ZNF644: variants seen among roughly 807,000 people sequenced by gnomAD.
ZNF644 encodes the protein zinc finger motif enhancer binding protein 2.
Under a neutral mutation model 108.0 loss-of-function variants are expected in ZNF644, and 20 were observed. The ratio of observed to expected loss-of-function variants is 0.19; its 90% confidence interval spans 0.13 to 0.27. The LOEUF (loss-of-function observed/expected upper bound fraction) is 0.27, where lower values mean the gene tolerates loss of function less well. ZNF644 is among the 10% of genes least tolerant of loss of function. ZNF644 has a pLI of 1.00. For synonymous variants in ZNF644, 542 were observed against 539.1 expected (o/e 1.01, Z -0.08); for missense variants, 1,338 against 1,548.9 (o/e 0.86, Z 2.29).
chr1:91,006,984 T>G (rs531437240), intron 1 of ZNF644, among the ~76,000 whole-genome samples: 11 of 152,338 alleles, frequency 7.2e-5, no homozygotes, highest in African/African-American at 2.4e-4. Context: ...GGATTTTGAA[T>G]GTATTATTCC....
At chr1:90,917,536 C>T (rs1570318443) in intron 5 of ZNF644, among the ~76,000 whole-genome samples, 1 of 152,120 alleles carries the variant, frequency 6.6e-6, no homozygotes, top group Admixed American at 6.5e-5. Flanking sequence ...CTTGCTCTGT[C>T]GCTCAGGCTG....
chr1:90,962,348 C>T (rs182127652), intron 2 of ZNF644, among the ~76,000 whole-genome samples: 1 of 151,926 alleles, frequency 6.6e-6, no homozygotes, highest in East Asian at 1.9e-4. Context: ...CATAAACAGA[C>T]CCATATGTAT....
At chr1:90,925,206 G>T (rs377611230) in intron 4 of ZNF644, among the ~76,000 whole-genome samples, 1 of 152,152 alleles carries the variant, frequency 6.6e-6, no homozygotes, top group Non-Finnish European at 1.5e-5. Context: ...CCCCCCACTG[G>T]GGGGAGGGCA....
chr1:90,962,327 AAAACAGAGTCCAT>A (rs1011939197), intron 2 of ZNF644, among the ~76,000 whole-genome samples: 4 of 152,022 alleles, frequency 2.6e-5, no homozygotes, highest in African/African-American at 4.8e-5. Flanking sequence ...ATGGGGGAAA[AAAACAGAGTCCAT>A]AAACAGACCC....
At chr1:90,972,770 T>G (rs991820453) in intron 2 of ZNF644, 1 of 152,198 alleles carries the variant, frequency 6.6e-6, no homozygotes, top group South Asian at 2.1e-4. Flanking sequence ...CAATACAGTA[T>G]TATGCAGACT....
chr1:90,940,634 T>A lies in ZNF644; in HGVS notation c.720A>T (p.Thr240=). Residue 240 remains threonine (T), a synonymous_variant, in exon 3 of 6, where the codon ACA becomes ACT. Transcript: ENST00000337393. ...DLLVKDDCVN[T]VTGISSGTDG... ...CTGTACCTGAGGAAATTCCCGTTAC[T>A]GTATTGACACAATCATCTTTCACCA... The A allele has an allele frequency of 6.2e-7, 1 of 1,614,098 alleles. No homozygotes were observed. The highest frequency in any genetic ancestry group is 8.5e-7 in the Non-Finnish European group (1 of 1,179,978).
At chr1:90,918,286 C>T in intron 4 of ZNF644, 132 bp from the exon 5 acceptor site, 1 of 730,910 alleles carries the variant, frequency 1.4e-6, no homozygotes, top group East Asian at 2.7e-5. Flanking sequence ...TCCCTATTCC[C>T]TGAAGCATGC....
intron 2 of ZNF644, among the ~76,000 whole-genome samples, chr1:90,959,253 C>A (rs593287): frequency 0.013 from 1,925 of 152,002 alleles, 39 homozygotes; most frequent in African/African-American, 0.044. Flanking sequence ...ACGAAAAAAC[C>A]AAAACTAACA....
intron 2 of ZNF644, among the ~76,000 whole-genome samples, chr1:90,959,700 C>A (rs1364183144): frequency 6.6e-6 from 1 of 151,924 alleles, no homozygotes; most frequent in African/African-American, 2.4e-5. Flanking sequence ...GGTTACTTTA[C>A]CAGGTGATGG....
intron 1 of ZNF644, among the ~76,000 whole-genome samples, chr1:91,004,575 GGTGAAGGTA>G (rs1330625105): frequency 6.6e-6 from 1 of 152,094 alleles, no homozygotes; most frequent in African/African-American, 2.4e-5. Context: ...TAAGGAGCAT[GGTGAAGGTA>G]ACCACATAGG....
intron 2 of ZNF644, among the ~76,000 whole-genome samples, chr1:90,967,538 A>C (rs1655036084): frequency 6.6e-6 from 1 of 152,206 alleles, no homozygotes; most frequent in African/African-American, 2.4e-5. Flanking sequence ...TGTGTTGAAC[A>C]ACTAATGCTG....
rs1418090419 is a variant in ZNF644 at position 90,915,744 on chromosome 1, T to G, written c.*1054A>C. 1 of 152,596 alleles carries G rather than the reference T, an allele frequency of 6.6e-6. No individual in the cohort carries two copies. Among genetic ancestry groups the G allele is most frequent in the East Asian group, 1.9e-4 (1 of 5,202 alleles). The allele number at this position is 152,596 out of a possible 1,614,324, so 9.5% of individuals were successfully genotyped here. A position where few individuals can be genotyped will look rare whatever the true frequency, so the allele number is the denominator to read the frequency against. ...TACATATAATCACATCCAAAACAAGTTCTAAAATTTAAATTGTAAACATTC... is the reference window on the plus strand; with the variant it reads ...TACATATAATCACATCCAAAACAAGGTCTAAAATTTAAATTGTAAACATTC... On this transcript the variant is annotated 3_prime_UTR_variant, in exon 6 of 6. Coordinates refer to ENST00000337393, the MANE Select transcript of ZNF644 (RefSeq NM_201269.3).
At chr1:90,936,321 C>T (rs1368163912) in intron 4 of ZNF644, among the ~76,000 whole-genome samples, 4 of 152,120 alleles carry the variant, frequency 2.6e-5, no homozygotes, top group African/African-American at 9.7e-5. Context: ...GTATACTACC[C>T]CTTGGTCAAC....
intron 1 of ZNF644, among the ~76,000 whole-genome samples, chr1:91,005,825 T>A (rs901024758): frequency 1.1e-4 from 16 of 151,838 alleles, no homozygotes; most frequent in African/African-American, 3.9e-4. Flanking sequence ...AAAAAAATCT[T>A]AAATCCATAA....
chr1:90,986,315 G>C (rs358692), intron 1 of ZNF644, among the ~76,000 whole-genome samples: 109,361 of 150,868 alleles, frequency 0.72, 39,987 homozygotes, highest in Middle Eastern at 0.79. Context: ...AAGGTGAAAA[G>C]AAAAAACAAA....
At chr1:91,003,000 AG>A (rs1310228002) in intron 1 of ZNF644, among the ~76,000 whole-genome samples, 3 of 152,212 alleles carry the variant, frequency 2.0e-5, no homozygotes, top group Admixed American at 2.0e-4. Context: ...CACACCAGTT[AG>A]AATGGCAATC....
intron 4 of ZNF644, among the ~76,000 whole-genome samples, chr1:90,937,270 CAAGAA>C (rs2100924424): frequency 6.6e-6 from 1 of 151,262 alleles, no homozygotes; most frequent in African/African-American, 2.4e-5. Context: ...ACATTCAGAC[CAAGAA>C]AAGAGGCACA....
intron 1 of ZNF644, among the ~76,000 whole-genome samples, chr1:90,992,514 T>C (rs1397968945): frequency 6.6e-6 from 1 of 152,214 alleles, no homozygotes; most frequent in Non-Finnish European, 1.5e-5. Context: ...TCAGACCTGA[T>C]GTATGAAACA....
At chr1:90,929,695 T>TTTTC (rs2100856483) in intron 4 of ZNF644, among the ~76,000 whole-genome samples, 1 of 152,300 alleles carries the variant, frequency 6.6e-6, no homozygotes, top group Admixed American at 6.5e-5. Flanking sequence ...TAAGAATGAC[T>TTTTC]TTTCTAGTGG....
Sources: gnomAD v4.1 joint callset for allele counts (sites outside exome capture counted in the v4.1 genomes callset) on GRCh38, gnomAD v4.1.1 for gene constraint, MANE v1.5 for transcripts, NCBI Gene and HGNC (gene_info 2026-07-23, HGNC 2026-07-21) for gene names.